CCND3: variants seen among roughly 807,000 people sequenced by gnomAD.
CCND3 encodes G1/S-specific cyclin-D3.
CCND3 carries 9 observed loss-of-function variants against 28.7 expected under a neutral mutation model. The observed-to-expected ratio is 0.31, with a 90% CI of 0.19 to 0.55. The LOEUF (loss-of-function observed/expected upper bound fraction) is 0.55. CCND3 is among the 20% of genes least tolerant of loss of function. The pLI is 0.93. For synonymous variants in CCND3, 164 were observed against 163.9 expected (o/e 1.00, Z 0.00); for missense variants, 315 against 385.8 (o/e 0.82, Z 1.54).
intron 1 of CCND3, among the ~76,000 whole-genome samples, chr6:41,968,486 G>C (rs1003731142): frequency 6.6e-6 from 1 of 152,040 alleles, no homozygotes; most frequent in Non-Finnish European, 1.5e-5. Flanking sequence ...CAGTTACTTG[G>C]GAGGCTAAGG....
intron 1 of CCND3, among the ~76,000 whole-genome samples, chr6:41,957,554 G>A (rs927596864): frequency 1.6e-4 from 25 of 152,140 alleles, no homozygotes; most frequent in Non-Finnish European, 1.0e-4. Flanking sequence ...GATCAATGTC[G>A]CTTAAGGGCA....
chr6:41,951,657 AGTAGT>A (rs1330669506), intron 1 of CCND3, among the ~76,000 whole-genome samples: 1 of 151,840 alleles, frequency 6.6e-6, no homozygotes, highest in Non-Finnish European at 1.5e-5. Context: ...GGGGGTCAGG[AGTAGT>A]ATGTCCCCAG....
In CCND3 at chr6:41,998,242, C is replaced by T. The variant is rs1353748751; in HGVS notation, c.-46+50259G>A. Among the ~76,000 whole-genome samples, 4 of 148,264 alleles carry T rather than the reference C, an allele frequency of 2.7e-5. No individual in the cohort carries two copies. The East Asian group carries it at 8.0e-4, about 29-fold the overall frequency. ...GGCGGAGGTTGCAGAAAGCTGAGAT[C>T]GCACCACTGTACTCCAGCTTGGGCG... is the stretch of plus-strand genomic sequence containing the variant. On this transcript the variant is annotated intron_variant, in intron 1 of 4. Transcript: ENST00000372988.
At chr6:41,985,306 T>A (rs1367370851) in intron 1 of CCND3, among the ~76,000 whole-genome samples, 2 of 1,262 alleles carry the variant, frequency 1.6e-3, no homozygotes, top group Admixed American at 8.9e-3. Flanking sequence ...GTTCAAGTCT[T>A]TTTTTTTTTT....
chr6:42,004,072 G>GTA (rs1471776556), intron 1 of CCND3, among the ~76,000 whole-genome samples: 1 of 149,772 alleles, frequency 6.7e-6, no homozygotes, highest in African/African-American at 2.5e-5. Context: ...ATATGTATGT[G>GTA]TGTGTGTGTG....
chr6:42,037,304 C>T (rs1293151526), intron 1 of CCND3, among the ~76,000 whole-genome samples: 6 of 148,716 alleles, frequency 4.0e-5, no homozygotes, highest in Non-Finnish European at 8.9e-5. Context: ...GTGGCACGAT[C>T]TCGGCTCACT....
intron 1 of CCND3, among the ~76,000 whole-genome samples, chr6:42,040,331 T>G (rs542928977): frequency 6.6e-6 from 1 of 152,114 alleles, no homozygotes; most frequent in South Asian, 2.1e-4. Context: ...GGTAGGAGAA[T>G]CACTTGAACC....
intron 1 of CCND3, among the ~76,000 whole-genome samples, chr6:42,024,415 T>A (rs4711701): frequency 0.73 from 101,343 of 139,012 alleles, 35,535 homozygotes; most frequent in East Asian, 0.93. Flanking sequence ...AAAAAAAAAA[T>A]AATAATAATT....
chr6:41,993,060 T>A (rs949550978), intron 1 of CCND3, among the ~76,000 whole-genome samples: 1 of 152,136 alleles, frequency 6.6e-6, no homozygotes, highest in African/African-American at 2.4e-5. Context: ...GCACACTATA[T>A]CATGCCTGGC....
chr6:42,049,888 G>C (rs957665329), upstream of CCND3: 2 of 152,242 alleles, frequency 1.3e-5, no homozygotes, highest in Admixed American at 1.3e-4. Flanking sequence ...GAAGTCACTG[G>C]GATTGGGCTG....
At chr6:42,031,621 A>C (rs1455833992) in intron 1 of CCND3, among the ~76,000 whole-genome samples, 1 of 152,166 alleles carries the variant, frequency 6.6e-6, no homozygotes, top group Non-Finnish European at 1.5e-5. Context: ...AAGCACTAGA[A>C]AAACAAAACC....
At chr6:41,946,595 CAAAAAAAAAA>C (rs35369019), upstream of CCND3, among the ~76,000 whole-genome samples, 1,076 of 20,914 alleles carry the variant, frequency 0.051, 19 homozygotes, top group African/African-American at 0.14. Flanking sequence ...AGACCTGTCT[CAAAAAAAAAA>C]AAAAAAAAAA....
At chr6:41,984,014 T>C (rs7745671) in intron 1 of CCND3, among the ~76,000 whole-genome samples, 4,355 of 152,280 alleles carry the variant, frequency 0.029, 200 homozygotes, top group African/African-American at 0.096. Flanking sequence ...AGTTTGACTT[T>C]TTAAAATTTC....
At chr6:42,022,981 G>A (rs548059330) in intron 1 of CCND3, among the ~76,000 whole-genome samples, 3 of 152,340 alleles carry the variant, frequency 2.0e-5, no homozygotes, top group South Asian at 2.1e-4. Context: ...GACCATGTAC[G>A]GGTACAGCCA....
intron 1 of CCND3, among the ~76,000 whole-genome samples, chr6:41,952,094 C>T (rs138770092): frequency 3.9e-4 from 59 of 152,300 alleles, no homozygotes; most frequent in African/African-American, 1.3e-3. Context: ...TTCTCCTAGC[C>T]AGGCACTGAG....
chr6:41,998,684 AT>A (rs879883431), intron 1 of CCND3, among the ~76,000 whole-genome samples: 107 of 138,580 alleles, frequency 7.7e-4, no homozygotes, highest in East Asian at 1.1e-3. Context: ...ATGCATTATT[AT>A]TTTTTTTTTT....
rs1013084523 is a variant in CCND3, at chr6:41,988,472, T to A, written c.-45-47887A>T. Among the ~76,000 whole-genome samples the A allele has an allele frequency of 2.6e-5, 4 of 152,080 alleles. 1 individual carries two copies. The highest frequency in any genetic ancestry group is 5.9e-5 in the Non-Finnish European group (4 of 68,000). On this transcript the variant is annotated intron_variant, in intron 1 of 4. Coordinates refer to the CCND3 transcript ENST00000372988. ...CCTAATGTATGCCTGAACATGTCAA[T>A]ATCCTGTAAACCAGCTCTGAATTTT...
chr6:42,036,396 TA>T (rs1764214267), intron 1 of CCND3, among the ~76,000 whole-genome samples: 35 of 47,172 alleles, frequency 7.4e-4, no homozygotes, highest in African/African-American at 2.2e-3. Context: ...TATATATATA[TA>T]TATATATTTT....
chr6:42,003,222 TA>T (rs5875781), intron 1 of CCND3, among the ~76,000 whole-genome samples: 31 of 147,964 alleles, frequency 2.1e-4, no homozygotes, highest in Admixed American at 4.1e-4. Context: ...CTTATGAAGT[TA>T]AAAAAAAAAA....
Sources: gnomAD v4.1 joint callset for allele counts (sites outside exome capture counted in the v4.1 genomes callset) on GRCh38, gnomAD v4.1.1 for gene constraint, MANE v1.5 for transcripts, NCBI Gene and HGNC (gene_info 2026-07-23, HGNC 2026-07-21) for gene names.